The following TNRC6B variants were observed in gnomAD, a reference collection of about 807,000 sequenced individuals.
TNRC6B encodes trinucleotide repeat containing adaptor 6B.
A neutral mutation model predicts 203.6 loss-of-function variants in TNRC6B; 52 were observed. The observed-to-expected ratio is 0.26, with a 90% CI of 0.20 to 0.32. The LOEUF (loss-of-function observed/expected upper bound fraction) is 0.32, where lower values mean the gene tolerates loss of function less well. Among genes scored for constraint, TNRC6B ranks in the 10% least tolerant of loss-of-function variants. The probability of loss-of-function intolerance (pLI) is 1.00; values close to 1 mark genes in which losing one functional copy is unlikely to be tolerated. For missense variants in TNRC6B, 1,923 were observed against 2,286.2 expected (o/e 0.84, Z 3.24); for synonymous variants, 838 against 845.7 (o/e 0.99, Z 0.16).
At chr22:40,292,511 G>C (rs561097703) in intron 12 of TNRC6B, among the ~76,000 whole-genome samples, 59 of 152,306 alleles carry the variant, frequency 3.9e-4, no homozygotes, top group Non-Finnish European at 8.2e-4. Context: ...TTAAATTGCT[G>C]TCATTTTGCA....
intron 1 of TNRC6B, among the ~76,000 whole-genome samples, chr22:40,243,972 G>A (rs202060539): frequency 3.0e-5 from 4 of 133,532 alleles, no homozygotes; most frequent in Non-Finnish European, 3.3e-5. Flanking sequence ...TTTTTTTTTT[G>A]TAAACACCAA....
chr22:40,143,523 T>C (rs2068662502), intron 3 of TNRC6B, among the ~76,000 whole-genome samples: 1 of 152,124 alleles, frequency 6.6e-6, no homozygotes, highest in African/African-American at 2.4e-5. Flanking sequence ...AGAGTCTCGC[T>C]CTGTCACCCA....
chr22:40,265,197 G>C lies in TNRC6B; in HGVS notation c.967G>C (p.Gly323Arg). 1.9e-6 allele frequency: 3 copies of C among 1,614,002 alleles called. No homozygotes were observed. Among genetic ancestry groups the C allele is most frequent in the Non-Finnish European group, 2.5e-6 (3 of 1,179,884 alleles). Residue 323 changes from glycine to arginine, a missense_variant, in exon 5 of 23, where the codon GGG becomes CGG. Gly to Arg is a moderately radical substitution (Grantham distance 125). Coordinates refer to ENST00000454349, the MANE Select transcript of TNRC6B (RefSeq NM_001162501.2). ...GGTCCAAGAAGGAACTTCTAGGAAAGGGGCATTGGAAACAGATAATAGTAA... is the reference window on the plus strand; with the variant it reads ...GGTCCAAGAAGGAACTTCTAGGAAACGGGCATTGGAAACAGATAATAGTAA... ...ALVQEGTSRK[G>R]ALETDNSNSS...
At chr22:40,300,266 G>A (rs944917901) in intron 12 of TNRC6B, among the ~76,000 whole-genome samples, 189 bp from the exon 13 acceptor site, 1 of 151,982 alleles carries the variant, frequency 6.6e-6, no homozygotes, top group African/African-American at 2.4e-5. Context: ...AAAAACTGTT[G>A]TAATCTCACT....
At chr22:40,082,702 A>T (rs1467155382) in intron 1 of TNRC6B, among the ~76,000 whole-genome samples, 4 of 152,240 alleles carry the variant, frequency 2.6e-5, no homozygotes, top group African/African-American at 9.6e-5. Context: ...GGAAGAGATG[A>T]TAATAGTCAG....
intron 4 of TNRC6B, among the ~76,000 whole-genome samples, chr22:40,157,595 A>G (rs889983898): frequency 2.0e-5 from 3 of 152,332 alleles, no homozygotes; most frequent in East Asian, 3.9e-4. Flanking sequence ...GCTGTATTCT[A>G]TCAAATGCAC....
In TNRC6B at chr22:40,133,925, G is replaced by A. The variant is rs140609828; in HGVS notation, c.45+8063G>A. On this transcript the variant is annotated intron_variant, in intron 3 of 23. Transcript: ENST00000301923. ...GCGGAGGTTGTGGTGAGCCGAGACC[G>A]TGACATTGTACTCCAGCCTGGGCAA... is the stretch of plus-strand genomic sequence containing the variant. 5.6e-3 allele frequency among the ~76,000 whole-genome samples: 735 copies of A among 132,184 alleles called. 6 individuals carry two copies. Among genetic ancestry groups the A allele is most frequent in the African/African-American group, 0.019 (652 of 35,212 alleles). 86.7% of individuals were successfully genotyped at this position (132,184 alleles called of 152,430 possible).
At chr22:40,203,027 A>G (rs569650413) in intron 1 of TNRC6B, among the ~76,000 whole-genome samples, 1 of 152,248 alleles carries the variant, frequency 6.6e-6, no homozygotes, top group Admixed American at 6.5e-5. Context: ...TCTGTGTTGA[A>G]TGGGCTTCAG....
At chr22:40,081,282 A>G (rs934152094) in intron 1 of TNRC6B, among the ~76,000 whole-genome samples, 1 of 148,324 alleles carries the variant, frequency 6.7e-6, no homozygotes, top group Non-Finnish European at 1.5e-5. Context: ...TCCAGGGTAC[A>G]TGATATTCCT....
chr22:40,088,856 T>C (rs927124226), intron 1 of TNRC6B, among the ~76,000 whole-genome samples: 4 of 152,152 alleles, frequency 2.6e-5, no homozygotes, highest in Non-Finnish European at 4.4e-5. Flanking sequence ...GAAGCTAGAC[T>C]GCCTTAAATA....
At chr22:40,177,839 A>G (rs539099919), upstream of TNRC6B, 9 of 1,314,358 alleles carry the variant, frequency 6.8e-6, no homozygotes, top group Non-Finnish European at 7.7e-6. Flanking sequence ...TCTCAGCTCC[A>G]GCTCCCTCCC....
chr22:40,240,120 T>C (rs2048720167), intron 1 of TNRC6B, among the ~76,000 whole-genome samples: 1 of 152,208 alleles, frequency 6.6e-6, no homozygotes, highest in Non-Finnish European at 1.5e-5. Flanking sequence ...CATGAGCAAC[T>C]GTGCCCGGCC....
At chr22:40,062,335 G>C (rs2067860304) in intron 1 of TNRC6B, among the ~76,000 whole-genome samples, 1 of 151,944 alleles carries the variant, frequency 6.6e-6, no homozygotes, top group African/African-American at 2.4e-5. Context: ...TGAGTAGCTG[G>C]GATTACAGAC....
chr22:40,055,472 G>C (rs2067786510), intron 1 of TNRC6B, among the ~76,000 whole-genome samples: 1 of 152,150 alleles, frequency 6.6e-6, no homozygotes, highest in Admixed American at 6.5e-5. Context: ...AGGGTACAGG[G>C]CTAATAGCTG....
At chr22:40,292,152 C>CCACT (rs2070876802) in intron 12 of TNRC6B, among the ~76,000 whole-genome samples, 1 of 152,110 alleles carries the variant, frequency 6.6e-6, no homozygotes, top group African/African-American at 2.4e-5. Flanking sequence ...CGAGATCGTG[C>CCACT]CACTGCGCTC....
intron 4 of TNRC6B, among the ~76,000 whole-genome samples, chr22:40,161,052 A>G (rs988507396): frequency 6.6e-6 from 1 of 151,810 alleles, no homozygotes; most frequent in Non-Finnish European, 1.5e-5. Flanking sequence ...CTTTGTTGAG[A>G]TGTTTTAAAT....
chr22:40,114,246 T>G (rs2068367248), intron 1 of TNRC6B, among the ~76,000 whole-genome samples: 1 of 152,224 alleles, frequency 6.6e-6, no homozygotes, highest in African/African-American at 2.4e-5. Flanking sequence ...ACTTGCCATA[T>G]TCTCTAGGAA....
intron 3 of TNRC6B, among the ~76,000 whole-genome samples, chr22:40,260,662 G>C (rs371457609): frequency 4.0e-5 from 6 of 151,864 alleles, no homozygotes; most frequent in African/African-American, 1.2e-4. Flanking sequence ...TGAAGGGAAG[G>C]GACCCTTGGA....
intron 15 of TNRC6B, among the ~76,000 whole-genome samples, chr22:40,302,632 CAAAAA>C (rs200078286): frequency 1.4e-5 from 1 of 70,452 alleles, no homozygotes; most frequent in African/African-American, 6.5e-5. Flanking sequence ...GACCCCATCT[CAAAAA>C]AAAAAAAAAA....
Sources: allele counts gnomAD v4.1 joint callset (sites outside exome capture counted in the v4.1 genomes callset), GRCh38; gene constraint gnomAD v4.1.1; transcripts MANE v1.5; gene names NCBI Gene and HGNC (gene_info 2026-07-23, HGNC 2026-07-21).